The following KALRN variants were observed in gnomAD, a reference collection of about 807,000 sequenced individuals.
KALRN encodes kalirin RhoGEF kinase, also known as kalirin.
A neutral mutation model predicts 353.7 loss-of-function variants in KALRN; 70 were observed. The ratio of observed to expected loss-of-function variants is 0.20; its 90% CI spans 0.16 to 0.24. The LOEUF (loss-of-function observed/expected upper bound fraction) is 0.24. KALRN is among the 10% of genes least tolerant of loss of function. KALRN has a pLI of 1.00. For synonymous variants in KALRN, 1,391 were observed against 1,434.8 expected (o/e 0.97, Z 0.69); for missense variants, 2,791 against 3,756.7 (o/e 0.74, Z 6.72).
intron 1 of KALRN, among the ~76,000 whole-genome samples, chr3:124,045,654 G>T (rs997099849): frequency 6.6e-6 from 1 of 151,892 alleles, no homozygotes; most frequent in Non-Finnish European, 1.5e-5. Context: ...TTATCGAAGT[G>T]TCAGACACCA....
intron 51 of KALRN, among the ~76,000 whole-genome samples, chr3:124,681,146 GTTCCC>G (rs1424890936): frequency 6.6e-6 from 1 of 152,174 alleles, no homozygotes; most frequent in Non-Finnish European, 1.5e-5. Flanking sequence ...GAAGAGTGAT[GTTCCC>G]ACTCTGTAGG....
intron 10 of KALRN, among the ~76,000 whole-genome samples, chr3:124,368,609 C>G (rs1192700492): frequency 6.8e-6 from 1 of 147,636 alleles, no homozygotes. Flanking sequence ...CTCCTCACAT[C>G]CCAGACGATG....
At chr3:124,631,523 C>T (rs765052795) in intron 34 of KALRN, among the ~76,000 whole-genome samples, 1 of 152,200 alleles carries the variant, frequency 6.6e-6, no homozygotes, top group Non-Finnish European at 1.5e-5. Flanking sequence ...ATATCCCATA[C>T]ACACATAGTC....
chr3:124,337,091 TGTCATCTGCAAACAAAGACA>T (rs2081212044), intron 9 of KALRN, among the ~76,000 whole-genome samples: 3 of 152,228 alleles, frequency 2.0e-5, no homozygotes, highest in Admixed American at 2.0e-4. Flanking sequence ...TGTATAATCA[TGTCATCTGCAAACAAAGACA>T]ATTTGACTTC....
chr3:124,693,831 G>A lies in KALRN; in HGVS notation c.7405G>A (p.Val2469Met). The A allele has an allele frequency of 6.4e-7, 1 of 1,569,434 alleles. No individual in the cohort carries two copies. The highest frequency in any genetic ancestry group is 8.7e-7 in the Non-Finnish European group (1 of 1,148,800). Residue 2469 changes from valine to methionine, a missense_variant and splice_region_variant, in exon 52 of 60, where the codon GTG becomes ATG. Transcript: ENST00000682506. ...EILNPNFIQE[V>M]APEFLVPLVD... Reference sequence around the variant, plus strand: ...CTTAAATCCAAATTTCATCCAAGAAGGTGAGTTAAAAAGCATTAGAATTGG... The same window carrying A: ...CTTAAATCCAAATTTCATCCAAGAAAGTGAGTTAAAAAGCATTAGAATTGG...
At chr3:124,104,328 G>A (rs1378438494) in intron 1 of KALRN, among the ~76,000 whole-genome samples, 1 of 152,186 alleles carries the variant, frequency 6.6e-6, no homozygotes, top group African/African-American at 2.4e-5. Flanking sequence ...TTCGTGAAGT[G>A]TTATGGTTCA....
intron 1 of KALRN, among the ~76,000 whole-genome samples, chr3:124,208,923 A>G (rs2076656057): frequency 6.6e-6 from 1 of 152,022 alleles, no homozygotes; most frequent in South Asian, 2.1e-4. Flanking sequence ...CCATGATCAC[A>G]TCAGTGCACT....
At chr3:124,283,996 A>G (rs1472234311) in intron 5 of KALRN, among the ~76,000 whole-genome samples, 1 of 152,208 alleles carries the variant, frequency 6.6e-6, no homozygotes, top group Non-Finnish European at 1.5e-5. Flanking sequence ...TTCATATATT[A>G]TCATATTATG....
chr3:124,242,543 G>A lies in KALRN; in HGVS notation c.263+7600G>A, dbSNP rs540998051. Among the ~76,000 whole-genome samples, 101 of 152,274 alleles carry A rather than the reference G, an allele frequency of 6.6e-4. 1 individual carries two copies. The highest frequency in any genetic ancestry group is 3.4e-3 in the Middle Eastern group (1 of 292). On this transcript the variant is annotated intron_variant, in intron 3 of 59. Transcript: ENST00000682506. ...TAAGAAGGTGAACTCTGAAGGATGG[G>A]CTAAGACTGGATTTGGAACAGAGGG...
At chr3:124,495,293 A>C (rs539399493) in intron 32 of KALRN, among the ~76,000 whole-genome samples, 1 of 152,220 alleles carries the variant, frequency 6.6e-6, no homozygotes, top group East Asian at 1.9e-4. Flanking sequence ...CATGCATGAG[A>C]TCCTCAAAAC....
chr3:124,592,743 G>C (rs34185890), intron 34 of KALRN, among the ~76,000 whole-genome samples: 23,371 of 152,182 alleles, frequency 0.15, 1,935 homozygotes, highest in Middle Eastern at 0.19. Flanking sequence ...CTCCCTGCCT[G>C]CTGTAATCAA....
chr3:124,618,958 T>A (rs2149658332), intron 34 of KALRN, among the ~76,000 whole-genome samples: 1 of 152,354 alleles, frequency 6.6e-6, no homozygotes, highest in African/African-American at 2.4e-5. Context: ...GTTTGTCTAT[T>A]TTAAAATGAA....
rs144914726 is a variant in KALRN at position 124,615,996 on chromosome 3, C to T, written c.5183-16424C>T. ...ATTAAGACTGTAGAGCCTCCTATTA[C>T]ATTAAGTCCAAGAGACCCTAAGCCT... is the stretch of plus-strand genomic sequence containing the variant. On this transcript the variant is annotated intron_variant, in intron 34 of 59. Coordinates refer to ENST00000682506, the MANE Select transcript of KALRN (RefSeq NM_001388419.1). 4.6e-3 allele frequency among the ~76,000 whole-genome samples: 699 copies of T among 152,296 alleles called. 5 individuals are homozygous for T. The highest frequency in any genetic ancestry group is 0.016 in the African/African-American group (659 of 41,550).
At chr3:124,251,003 T>C (rs1341624295) in intron 3 of KALRN, among the ~76,000 whole-genome samples, 1 of 152,208 alleles carries the variant, frequency 6.6e-6, no homozygotes, top group Non-Finnish European at 1.5e-5. Context: ...GGAGCAATGG[T>C]TCTTGTGCTT....
In KALRN at chr3:124,085,322, G is replaced by A. The variant is rs2060754818; in HGVS notation, c.73+51509G>A. On this transcript the variant is annotated intron_variant, in intron 1 of 59. Transcript: ENST00000682506. ...TGCCCCTTGGTTAGAGCTGGAACTT[G>A]AGATGAAACATAGTTTCCATTGCTG... Among the ~76,000 whole-genome samples, 4 of 152,222 alleles carry A rather than the reference G, an allele frequency of 2.6e-5. 1 individual carries two copies. The South Asian group carries it at 8.3e-4, about 31-fold the overall frequency.
At chr3:124,044,831 TTCCCTCCC>T (rs1326617518) in intron 1 of KALRN, among the ~76,000 whole-genome samples, 3 of 32,822 alleles carry the variant, frequency 9.1e-5, no homozygotes, top group African/African-American at 2.3e-4. Context: ...CCTTCCTTCC[TTCCCTCCC>T]TCCCTCCCTC....
intron 1 of KALRN, among the ~76,000 whole-genome samples, chr3:124,129,327 G>A (rs1373609476): frequency 6.6e-6 from 1 of 152,082 alleles, no homozygotes; most frequent in Non-Finnish European, 1.5e-5. Context: ...CACTCTCTAC[G>A]TCTGCTTCAC....
chr3:124,719,828 C>T lies in KALRN; in HGVS notation c.*358C>T, dbSNP rs921160618. ...AAGCTCACAAGAGTATAAAAGATCT[C>T]TGGCTTTGCTGAAATTTTAAGCAAG... On this transcript the variant is annotated 3_prime_UTR_variant, in exon 60 of 60. Coordinates refer to ENST00000682506, the MANE Select transcript of KALRN (RefSeq NM_001388419.1). This position sits in a 1 kb window ranked among gnomAD's most constrained non-coding sequence, Gnocchi z 5.3. 5.1e-6 allele frequency: 1 copy of T among 196,172 alleles called. No homozygotes were observed. The highest frequency in any genetic ancestry group is 1.1e-5 in the Non-Finnish European group (1 of 94,420). The allele number at this position is 196,172 out of a possible 1,614,324, so 12.2% of individuals were successfully genotyped here.
intron 1 of KALRN, among the ~76,000 whole-genome samples, chr3:124,129,730 G>A (rs2065074906): frequency 6.6e-6 from 1 of 152,118 alleles, no homozygotes; most frequent in South Asian, 2.1e-4. Flanking sequence ...TGGCCCTATG[G>A]GCAGGGCTGT....
Sources: allele counts gnomAD v4.1 joint callset (sites outside exome capture counted in the v4.1 genomes callset), GRCh38; gene constraint gnomAD v4.1.1; non-coding constraint Gnocchi (gnomAD v3.1); transcripts MANE v1.5; gene names NCBI Gene and HGNC (gene_info 2026-07-23, HGNC 2026-07-21).